MGST1: variants seen among roughly 807,000 people sequenced by gnomAD.
MGST1 encodes microsomal glutathione S-transferase 1, also known as glutathione S-transferase 12.
In MGST1, 5 loss-of-function variants were observed where a neutral mutation model predicts 8.9. That is an observed-to-expected ratio of 0.56 (90% CI 0.29 to 1.19). MGST1 has a LOEUF of 1.19. MGST1 is among the 50% of genes most tolerant of loss of function. The pLI, the probability that MGST1 is intolerant of heterozygous loss-of-function variation, is 0.08. For missense variants in MGST1, 182 were observed against 187.4 expected (o/e 0.97, Z 0.17); for synonymous variants, 54 against 67.8 (o/e 0.80, Z 1.00).
intron 4 of MGST1, among the ~76,000 whole-genome samples, chr12:16,469,740 T>C (rs542297705): frequency 2.8e-4 from 43 of 152,298 alleles, no homozygotes; most frequent in South Asian, 6.2e-4. Flanking sequence ...ATTATCAGAG[T>C]GAGCTGCCTT....
At chr12:16,571,869 G>A (rs1054940932) in intron 4 of MGST1, among the ~76,000 whole-genome samples, 22 of 151,922 alleles carry the variant, frequency 1.4e-4, no homozygotes, top group Non-Finnish European at 2.8e-4. Context: ...TCATTGAAAA[G>A]GGAAGGCATA....
In MGST1 at chr12:16,500,623, T is replaced by G. The variant is rs1941499830; in HGVS notation, n.483-88905T>G. 6.6e-6 allele frequency among the ~76,000 whole-genome samples: 1 copy of G among 152,110 alleles called. No homozygotes were observed. Among genetic ancestry groups the G allele is most frequent in the Non-Finnish European group, 1.5e-5 (1 of 68,020 alleles). On this transcript the variant is annotated intron_variant and non_coding_transcript_variant, in intron 4 of 4. Transcript: ENST00000538857. The surrounding 1 kb of genome is among the most constrained non-coding windows in gnomAD (Gnocchi z 4.3). ...GATTTAGGTCAAAATTAACTTAGAG[T>G]CGTTTTTGACAAAGCAGAGACTTAG...
chr12:16,355,078 G>A (rs1470729587), intron 2 of MGST1, among the ~76,000 whole-genome samples: 1 of 151,964 alleles, frequency 6.6e-6, no homozygotes, highest in African/African-American at 2.4e-5. Flanking sequence ...GGTAGTCCCT[G>A]TGCTCATTCA....
At chr12:16,388,116 T>A (rs1940520763) in intron 1 of MGST1, among the ~76,000 whole-genome samples, 1 of 151,746 alleles carries the variant, frequency 6.6e-6, no homozygotes, top group Non-Finnish European at 1.5e-5. Context: ...ATTAAGTTGG[T>A]GCAAAAGTAA....
intron 1 of MGST1, among the ~76,000 whole-genome samples, chr12:16,431,261 T>C (rs1301498074): frequency 6.6e-6 from 1 of 152,184 alleles, no homozygotes; most frequent in Admixed American, 6.5e-5. Flanking sequence ...TATCAGCAAT[T>C]AGGCTGTTTG....
chr12:16,399,035 G>C (rs1031514408), intron 1 of MGST1, among the ~76,000 whole-genome samples: 2 of 152,022 alleles, frequency 1.3e-5, no homozygotes, highest in African/African-American at 2.4e-5. Context: ...AACAGCAAGA[G>C]CCTCCTCCTG....
At chr12:16,462,661 A>T (rs959632450) in intron 4 of MGST1, among the ~76,000 whole-genome samples, 1 of 152,160 alleles carries the variant, frequency 6.6e-6, no homozygotes, top group East Asian at 1.9e-4. Flanking sequence ...GTTGTTCTAG[A>T]TGCAGATTCA....
At chr12:16,578,193 C>A (rs935707611) in intron 4 of MGST1, among the ~76,000 whole-genome samples, 2 of 152,036 alleles carry the variant, frequency 1.3e-5, no homozygotes, top group African/African-American at 4.8e-5. Context: ...TAACTAACTA[C>A]CTAAAGTGAC....
At chr12:16,526,090 A>C (rs1040862008) in intron 4 of MGST1, among the ~76,000 whole-genome samples, 14 of 145,750 alleles carry the variant, frequency 9.6e-5, no homozygotes, top group African/African-American at 2.7e-4. Context: ...CCCATTTTGT[A>C]GGTTGCCTGT....
chr12:16,574,684 T>C (rs1172148293), intron 4 of MGST1, among the ~76,000 whole-genome samples: 1 of 152,124 alleles, frequency 6.6e-6, no homozygotes, highest in Non-Finnish European at 1.5e-5. Flanking sequence ...GCAAGACACA[T>C]AAAGAAGAAA....
chr12:16,591,600 A>G (rs146765712), downstream of MGST1, among the ~76,000 whole-genome samples: 206 of 152,146 alleles, frequency 1.4e-3, no homozygotes, highest in Admixed American at 4.6e-3. This position sits in a 1 kb window ranked among gnomAD's most constrained non-coding sequence, Gnocchi z 4.1. Flanking sequence ...ACATTTATTG[A>G]ATGAAAAAAT....
chr12:16,411,286 A>T (rs1940740989), intron 1 of MGST1, among the ~76,000 whole-genome samples: 1 of 152,156 alleles, frequency 6.6e-6, no homozygotes, highest in Admixed American at 6.6e-5. Context: ...TACTTGGGTC[A>T]TTGAAGGTAG....
At chr12:16,386,298 C>T (rs984276627) in intron 1 of MGST1, among the ~76,000 whole-genome samples, 5 of 152,168 alleles carry the variant, frequency 3.3e-5, no homozygotes, top group African/African-American at 9.7e-5. Flanking sequence ...TTCTACTCTG[C>T]TGGATAGAAG....
At chr12:16,504,393 C>T (rs1941523701) in intron 4 of MGST1, among the ~76,000 whole-genome samples, 1 of 152,116 alleles carries the variant, frequency 6.6e-6, no homozygotes, top group Non-Finnish European at 1.5e-5. Context: ...GCTTTGAAAC[C>T]CCTTTTTCTC....
exon 4 of MGST1, chr12:16,377,071 C>T (rs925750076): frequency 2.0e-5 from 3 of 151,842 alleles, no homozygotes; most frequent in Admixed American, 2.0e-4. Context: ...GACTGTTGAG[C>T]TAATACTTTT....
chr12:16,474,484 C>A (rs1941308034), intron 4 of MGST1, among the ~76,000 whole-genome samples: 1 of 152,176 alleles, frequency 6.6e-6, no homozygotes, highest in African/African-American at 2.4e-5. Flanking sequence ...CCAAAGCAGA[C>A]TTTCAAAATT....
chr12:16,428,255 C>A (rs146780586), intron 1 of MGST1, among the ~76,000 whole-genome samples: 2,069 of 151,258 alleles, frequency 0.014, 22 homozygotes, highest in Non-Finnish European at 0.023. Context: ...TATATTTTGG[C>A]TTATTTTCAT....
downstream of MGST1, among the ~76,000 whole-genome samples, chr12:16,591,053 C>A (rs191027030): frequency 2.2e-4 from 34 of 152,142 alleles, no homozygotes; most frequent in East Asian, 6.2e-3. The surrounding 1 kb of genome is among the most constrained non-coding windows in gnomAD (Gnocchi z 4.1). Flanking sequence ...ATAAGCTTTA[C>A]AATGGTTTTC....
chr12:16,386,405 G>C (rs1940504396), intron 1 of MGST1, among the ~76,000 whole-genome samples: 1 of 152,162 alleles, frequency 6.6e-6, no homozygotes, highest in African/African-American at 2.4e-5. Flanking sequence ...GATTTAGAGT[G>C]CAAGGGTATG....
Sources: allele counts gnomAD v4.1 joint callset (sites outside exome capture counted in the v4.1 genomes callset), GRCh38; gene constraint gnomAD v4.1.1; non-coding constraint Gnocchi (gnomAD v3.1); transcripts MANE v1.5; gene names NCBI Gene and HGNC (gene_info 2026-07-23, HGNC 2026-07-21).